Variants in TAOK3 observed in about 807,000 individuals in gnomAD.
TAOK3 encodes the protein TAO kinase 3.
Under a neutral mutation model 120.4 loss-of-function variants are expected in TAOK3, and 40 were observed. The ratio of observed to expected loss-of-function variants is 0.33; its 90% CI spans 0.26 to 0.43. The LOEUF (loss-of-function observed/expected upper bound fraction) is 0.43. Among genes scored for constraint, TAOK3 ranks in the 20% least tolerant of loss-of-function variants. TAOK3 has a pLI of 1.00. For synonymous variants in TAOK3, 355 were observed against 387.5 expected (o/e 0.92, Z 0.99); for missense variants, 821 against 1,112.1 (o/e 0.74, Z 3.72).
intron 17 of TAOK3, among the ~76,000 whole-genome samples, chr12:118,167,379 G>A (rs932160069): frequency 6.6e-6 from 1 of 151,756 alleles, no homozygotes; most frequent in African/African-American, 2.4e-5. Flanking sequence ...TTCCACTTCC[G>A]AAAATGTATC....
At chr12:118,313,975 T>C (rs574783148) in intron 1 of TAOK3, among the ~76,000 whole-genome samples, 1 of 152,326 alleles carries the variant, frequency 6.6e-6, no homozygotes, top group East Asian at 1.9e-4. Flanking sequence ...GGAAGTAATA[T>C]AATGCAAGAG....
chr12:118,317,938 T>C (rs184233723), intron 1 of TAOK3, among the ~76,000 whole-genome samples: 1 of 151,816 alleles, frequency 6.6e-6, no homozygotes, highest in East Asian at 1.9e-4. Context: ...ACCAATGGAA[T>C]AGAACTGACA....
intron 14 of TAOK3, among the ~76,000 whole-genome samples, chr12:118,187,195 C>T (rs1308554111): frequency 1.3e-5 from 2 of 152,058 alleles, no homozygotes; most frequent in South Asian, 2.1e-4. Flanking sequence ...AGCGCCTCTA[C>T]TAGAAGATGT....
chr12:118,320,427 TA>T (rs959853108), intron 1 of TAOK3, among the ~76,000 whole-genome samples: 47 of 146,296 alleles, frequency 3.2e-4, no homozygotes, highest in African/African-American at 4.5e-4. Context: ...CATCATTTCT[TA>T]AAAAAAAAAA....
chr12:118,156,235 A>G (rs1314134528), intron 19 of TAOK3, among the ~76,000 whole-genome samples: 1 of 152,094 alleles, frequency 6.6e-6, no homozygotes, highest in Non-Finnish European at 1.5e-5. Flanking sequence ...TACCGCTCAC[A>G]TTAAGGTGAC....
rs2045943340 is a variant in TAOK3 at position 118,372,857 on chromosome 12, A to C, written c.-403T>G. On this transcript the variant is annotated 5_prime_UTR_variant, in exon 1 of 21. Transcript: ENST00000392533. The surrounding 1 kb of genome is among the most constrained non-coding windows in gnomAD (Gnocchi z 4.6). ...GCAGGACCCCGCCGCCCGGCGCCAC[A>C]AGGACCCTCCCGCGGCCGCCGCCGC... 6.5e-6 allele frequency: 1 copy of C among 153,214 alleles called. No individual in the cohort carries two copies. The highest frequency in any genetic ancestry group is 2.4e-5 in the African/African-American group (1 of 41,094). 9.5% of individuals were successfully genotyped at this position (153,214 alleles called of 1,614,324 possible).
intron 1 of TAOK3, among the ~76,000 whole-genome samples, chr12:118,277,110 A>G (rs2041929955): frequency 6.6e-6 from 1 of 152,372 alleles, no homozygotes; most frequent in East Asian, 1.9e-4. Flanking sequence ...CTTTGACAGT[A>G]CAGATGTTAT....
At chr12:118,245,046 A>G in intron 3 of TAOK3, 81 bp from the exon 4 acceptor site, 2 of 871,204 alleles carry the variant, frequency 2.3e-6, no homozygotes, top group East Asian at 5.7e-5. Flanking sequence ...ACTAGAGACT[A>G]TTTATTTATA....
chr12:118,250,143 T>C (rs1449329174), intron 3 of TAOK3, among the ~76,000 whole-genome samples: 3 of 152,098 alleles, frequency 2.0e-5, no homozygotes, highest in Non-Finnish European at 2.9e-5. Context: ...ATTTTTTTTT[T>C]AGAGATGGGT....
At chr12:118,287,239 T>TA (rs1001718927) in intron 1 of TAOK3, among the ~76,000 whole-genome samples, 17 of 152,118 alleles carry the variant, frequency 1.1e-4, no homozygotes, top group Non-Finnish European at 2.2e-4. Flanking sequence ...AAATTAAATT[T>TA]AAAAAAGAAC....
chr12:118,158,034 G>A lies in TAOK3; in HGVS notation c.2352+2112C>T, dbSNP rs560661149. 2.6e-5 allele frequency among the ~76,000 whole-genome samples: 4 copies of A among 152,226 alleles called. No individual in the cohort carries two copies. The East Asian group carries it at 7.7e-4, about 29-fold the overall frequency. ...AGTCCCACCACTCCACTGATTGTCCGAGACAAGCAATGGACGAATCCAGTG... is the reference window on the plus strand; with the variant it reads ...AGTCCCACCACTCCACTGATTGTCCAAGACAAGCAATGGACGAATCCAGTG... On this transcript the variant is annotated intron_variant, in intron 19 of 20. Coordinates refer to ENST00000392533, the MANE Select transcript of TAOK3 (RefSeq NM_016281.4).
intron 5 of TAOK3, among the ~76,000 whole-genome samples, chr12:118,243,187 CTTTCTGAGTG>C (rs2040330043): frequency 6.6e-6 from 1 of 151,982 alleles, no homozygotes; most frequent in South Asian, 2.1e-4. Context: ...TTCACCATCT[CTTTCTGAGTG>C]TTTATAGAAT....
chr12:118,188,579 TG>T lies in TAOK3; in HGVS notation c.1329+1227del, dbSNP rs2037217573. On this transcript the variant is annotated intron_variant, in intron 14 of 20. Coordinates refer to ENST00000392533, the MANE Select transcript of TAOK3 (RefSeq NM_016281.4). Reference sequence around the variant, plus strand: ...AGCAGCAGGCACAGCAATATGTACGTGCTTTAACTTCCATTTTTCCTTGCAT... The same window carrying T: ...AGCAGCAGGCACAGCAATATGTACGTCTTTAACTTCCATTTTTCCTTGCAT... Among the ~76,000 whole-genome samples, 3 of 152,354 alleles carry T rather than the reference TG, an allele frequency of 2.0e-5. No homozygotes were observed. In the South Asian group the frequency reaches 6.2e-4, roughly 32 times the overall value.
intron 1 of TAOK3, among the ~76,000 whole-genome samples, chr12:118,286,859 A>G (rs1351375431): frequency 6.6e-6 from 1 of 152,248 alleles, no homozygotes; most frequent in Non-Finnish European, 1.5e-5. Flanking sequence ...AAACTGTGGT[A>G]TATATATTTA....
chr12:118,180,986 A>C (rs2036679727), intron 15 of TAOK3, among the ~76,000 whole-genome samples: 1 of 151,950 alleles, frequency 6.6e-6, no homozygotes, highest in Admixed American at 6.6e-5. Flanking sequence ...CTGGGATTAC[A>C]GGCATGTGCC....
chr12:118,175,119 C>T lies in TAOK3; in HGVS notation c.1695+2082G>A, dbSNP rs571693735. Among the ~76,000 whole-genome samples the T allele has an allele frequency of 1.1e-4, 16 of 152,292 alleles. No individual in the cohort carries two copies. The South Asian group carries it at 2.7e-3, about 26-fold the overall frequency. On this transcript the variant is annotated intron_variant, in intron 16 of 20. Coordinates refer to ENST00000392533, the MANE Select transcript of TAOK3 (RefSeq NM_016281.4). ...TGAGTTGGGCTATTCTCTCTACACC[C>T]GGGTTTTCTAGACCTTATGGTGTCA...
At chr12:118,324,564 C>T (rs927492603) in intron 1 of TAOK3, among the ~76,000 whole-genome samples, 2 of 151,738 alleles carry the variant, frequency 1.3e-5, no homozygotes, top group Admixed American at 1.3e-4. Flanking sequence ...CCTTTCCAGC[C>T]TCTGGTAACC....
At chr12:118,185,311 G>T (rs1369336008) in intron 14 of TAOK3, among the ~76,000 whole-genome samples, 1 of 151,898 alleles carries the variant, frequency 6.6e-6, no homozygotes, top group African/African-American at 2.4e-5. Flanking sequence ...AGCAAAATTC[G>T]GCCCTAAAAC....
chr12:118,292,648 T>A (rs1406511198), intron 1 of TAOK3, among the ~76,000 whole-genome samples: 1 of 152,230 alleles, frequency 6.6e-6, no homozygotes, highest in Non-Finnish European at 1.5e-5. Context: ...CCCAGTCTTT[T>A]TAACAACTAT....
Sources: gnomAD v4.1 joint callset for allele counts (sites outside exome capture counted in the v4.1 genomes callset) on GRCh38, gnomAD v4.1.1 for gene constraint, Gnocchi (gnomAD v3.1) non-coding constraint, MANE v1.5 for transcripts, NCBI Gene and HGNC (gene_info 2026-07-23, HGNC 2026-07-21) for gene names.